TBL2: variants seen among roughly 807,000 people sequenced by gnomAD.
TBL2 encodes transducin beta like 2, also known as transducin beta-like protein 2.
TBL2 carries 33 observed loss-of-function variants against 41.8 expected under a neutral mutation model. The observed-to-expected ratio is 0.79, with a 90% CI of 0.60 to 1.06. TBL2 has a LOEUF of 1.06. Among genes scored for constraint, TBL2 ranks in the 50% least tolerant of loss-of-function variants. The probability of loss-of-function intolerance (pLI) is 0.00; values close to 1 mark genes in which losing one functional copy is unlikely to be tolerated. For missense variants in TBL2, 522 were observed against 603.8 expected (o/e 0.86, Z 1.42); for synonymous variants, 239 against 241.7 (o/e 0.99, Z 0.10).
chr7:73,576,673 A>C (rs1224187844), intron 1 of TBL2: 1 of 456,502 alleles, frequency 2.2e-6, no homozygotes, highest in Non-Finnish European at 4.4e-6. Context: ...GATGCTCCCC[A>C]ATTCCAACAG....
In TBL2 at chr7:73,570,596, C is replaced by T. The variant is rs1792865321; in HGVS notation, c.1255G>A (p.Ala419Thr). 2 of 1,612,380 alleles carry T rather than the reference C, an allele frequency of 1.2e-6. No individual in the cohort carries two copies. The highest frequency in any genetic ancestry group is 1.1e-5 in the South Asian group (1 of 90,888). ...VEEMQGHLKRASNESTRQRLQ... is the reference protein window; with the variant it reads ...VEEMQGHLKRTSNESTRQRLQ... The stretch of plus-strand genomic sequence containing the variant: ...CTCTGGCGGGTGCTCTCGTTGGAGG[C>T]CCGCTTCAGGTGGCCCTGCATCTCC... The change falls in exon 7 of 7, where the codon GCC (alanine) becomes ACC (threonine). Residue 419 changes from alanine (A) to threonine (T), a missense_variant. By Grantham distance (58) the Ala-to-Thr change is moderately conservative. Coordinates refer to ENST00000305632, the MANE Select transcript of TBL2 (RefSeq NM_012453.4).
Position 73,578,564 on chromosome 7 carries a change from T to C in TBL2, c.-15A>G, listed in dbSNP as rs782124941. The C allele has an allele frequency of 6.7e-7, 1 of 1,501,826 alleles. No homozygotes were observed. The allele number at this position is 1,501,826 out of a possible 1,614,324, so 93.0% of individuals were successfully genotyped here. ...GAGAGCTCCATGTTGGTGGAACCAC[T>C]GCCACCTCAGCTAGTGAGTACGCGG... On this transcript the variant is annotated 5_prime_UTR_variant, in exon 1 of 7. Transcript: ENST00000305632.
rs1446189578 is a variant in TBL2, at chr7:73,578,447, CCG to C, written c.101_102del (p.Ala34GlyfsTer19). 20 of 1,545,196 alleles carry C rather than the reference CCG, an allele frequency of 1.3e-5. No homozygotes were observed. The highest frequency in any genetic ancestry group is 1.7e-5 in the Non-Finnish European group (20 of 1,148,720). On this transcript the variant is annotated frameshift_variant, in exon 1 of 7. Transcript: ENST00000305632. LOFTEE classifies it high-confidence loss of function. ...GCGGGCCGGCCGCTCCTCTCCTCCC[CCG>C]CGCGCAGCCACCCCCGCGCTACCGC... ...TAAVARGWLR[A>X]GEERSGRPAC...
Position 73,574,137 on chromosome 7 carries a change from G to A in TBL2, c.262-15C>T. 6.2e-7 allele frequency: 1 copy of A among 1,613,074 alleles called. No individual in the cohort carries two copies. Among genetic ancestry groups the A allele is most frequent in the Non-Finnish European group, 8.5e-7 (1 of 1,179,222 alleles). ...CCGCTGTGGCTCTAGGGGAAGGGTG[G>A]CAGGAAGTGTCAATAGGAGCTCCTG... On this transcript the variant is annotated splice_polypyrimidine_tract_variant and intron_variant, in intron 2 of 6. Coordinates refer to ENST00000305632, the MANE Select transcript of TBL2 (RefSeq NM_012453.4).
chr7:73,573,799 A>T (rs1355804695), intron 3 of TBL2, 139 bp downstream of exon 3: 10 of 1,105,106 alleles, frequency 9.0e-6, no homozygotes, highest in Middle Eastern at 6.2e-4. Context: ...CAGCGCGCAA[A>T]CTATGTGGAT....
chr7:73,574,737 A>G (rs1474515259), intron 1 of TBL2: 12 of 620,940 alleles, frequency 1.9e-5, no homozygotes, highest in Non-Finnish European at 3.2e-5. Context: ...TGAGCCCAGG[A>G]GTTCGAGGCT....
At chr7:73,573,658 T>C (rs1184817889) in intron 3 of TBL2, among the ~76,000 whole-genome samples, 187 bp from the exon 4 acceptor site, 1 of 152,146 alleles carries the variant, frequency 6.6e-6, no homozygotes, top group Non-Finnish European at 1.5e-5. Context: ...TAGCTTTGGC[T>C]CCTTTAGTTT....
rs1261438054 is a variant in TBL2 at position 73,570,212 on chromosome 7, C to T, written c.*295G>A. On this transcript the variant is annotated 3_prime_UTR_variant, in exon 7 of 7. Coordinates refer to ENST00000305632, the MANE Select transcript of TBL2 (RefSeq NM_012453.4). ...CACAAGGCCAAAAATCACATTCTCTCTCTCTCTCCTCTCCTCTCTACCATT... is the reference window on the plus strand; with the variant it reads ...CACAAGGCCAAAAATCACATTCTCTTTCTCTCTCCTCTCCTCTCTACCATT... 1 of 323,872 alleles carries T rather than the reference C, an allele frequency of 3.1e-6. No homozygotes were observed. Among genetic ancestry groups the T allele is most frequent in the African/African-American group, 2.1e-5 (1 of 46,838 alleles). The allele number at this position is 323,872 out of a possible 1,614,324, so 20.1% of individuals were successfully genotyped here.
chr7:73,577,264 C>CCCCAA (rs782149543), intron 1 of TBL2, among the ~76,000 whole-genome samples: 2 of 98,114 alleles, frequency 2.0e-5, no homozygotes, highest in Non-Finnish European at 1.9e-5. Flanking sequence ...CGTCCCCCTG[C>CCCCAA]AAAAAAAAAA....
At chr7:73,573,819 G>T in intron 3 of TBL2, 119 bp downstream of exon 3, 1 of 1,283,634 alleles carries the variant, frequency 7.8e-7, no homozygotes, top group Non-Finnish European at 1.1e-6. Flanking sequence ...TGCTCTTTCT[G>T]GCACCCCAAG....
In TBL2 at chr7:73,568,573, GA is replaced by G. The variant is rs549220241; in HGVS notation, c.*1933del. Among the ~76,000 whole-genome samples the G allele has an allele frequency of 2.6e-5, 4 of 152,158 alleles. No homozygotes were observed. The highest frequency in any genetic ancestry group is 1.3e-4 in the Admixed American group (2 of 15,256). On this transcript the variant is annotated 3_prime_UTR_variant, in exon 7 of 7. Coordinates refer to ENST00000305632, the MANE Select transcript of TBL2 (RefSeq NM_012453.4). ...GCCCATCTGACATTCATAGCATTTA[GA>G]GGGGGGACGAAGCCAGGTTACACAG...
In TBL2 at chr7:73,570,854, C is replaced by T. The variant is rs147744802; in HGVS notation, c.997G>A (p.Ala333Thr). 2.7e-5 allele frequency: 44 copies of T among 1,613,522 alleles called. No individual in the cohort carries two copies. The highest frequency in any genetic ancestry group is 3.3e-4 in the Middle Eastern group (2 of 6,084). Residue 333 changes from alanine to threonine, a missense_variant, in exon 7 of 7, where the codon GCG becomes ACG. Ala to Thr is a moderately conservative substitution (Grantham distance 58). Transcript: ENST00000305632. ...GGGGAGAGGGCCAGGCGGCACGGCG[C>T]GGCACCCGCCGCCTCTTCAAAGCGG... is the stretch of plus-strand genomic sequence containing the variant. ...TGRFEEAAGA[A>T]PCRLALSPNA...
intron 2 of TBL2, 113 bp from the exon 3 acceptor site, chr7:73,574,235 T>A: frequency 6.5e-7 from 1 of 1,529,070 alleles, no homozygotes; most frequent in Non-Finnish European, 8.8e-7. Context: ...CAAGCTGAGA[T>A]TGGGCTGCGA....
chr7:73,575,060 A>G (rs11974409), intron 1 of TBL2, among the ~76,000 whole-genome samples: 24,404 of 151,866 alleles, frequency 0.16, 2,090 homozygotes, highest in Non-Finnish European at 0.19. Context: ...GTGCACAACC[A>G]TCTCTAGCGG....
At position 73,577,648 on chromosome 7, in the gene TBL2, T is replaced by C. The variant is rs138944857; in HGVS notation, c.130+772A>G. Among the ~76,000 whole-genome samples the C allele has an allele frequency of 1.1e-3, 174 of 152,324 alleles. 1 individual carries two copies. Among genetic ancestry groups the C allele is most frequent in the African/African-American group, 4.0e-3 (166 of 41,580 alleles). On this transcript the variant is annotated intron_variant, in intron 1 of 6. Transcript: ENST00000305632. ...CCATTTCTAGTACTAACCTCTTCTA[T>C]GAAACTTTTCAGAGACAGGCTCTTG... is the stretch of plus-strand genomic sequence containing the variant.
chr7:73,571,476 G>A lies in TBL2; in HGVS notation c.726-135C>T. 3.1e-6 allele frequency: 4 copies of A among 1,307,366 alleles called. No homozygotes were observed. The South Asian group carries it at 4.4e-5, about 14-fold the overall frequency. 81.0% of individuals were successfully genotyped at this position (1,307,366 alleles called of 1,614,324 possible). On this transcript the variant is annotated intron_variant, in intron 5 of 6. Coordinates refer to ENST00000305632, the MANE Select transcript of TBL2 (RefSeq NM_012453.4). Reference sequence around the variant, plus strand: ...TATAAACCTTTAAAGAGTTATTTTGGCCGGGCGCGGTGGCTCACGCCTGTC... The same window carrying A: ...TATAAACCTTTAAAGAGTTATTTTGACCGGGCGCGGTGGCTCACGCCTGTC...
rs1342721147 is a variant in TBL2 at position 73,568,284 on chromosome 7, G to T, written c.*2223C>A. 1.3e-5 allele frequency among the ~76,000 whole-genome samples: 2 copies of T among 152,102 alleles called. No individual in the cohort carries two copies. The highest frequency in any genetic ancestry group is 4.8e-5 in the African/African-American group (2 of 41,426). ...GCCCGGTGGTGCTCTCATTCCAGTG[G>T]GTTCAACAGTGAGCCAGAAGCTGCC... On this transcript the variant is annotated 3_prime_UTR_variant, in exon 7 of 7. Transcript: ENST00000305632.
chr7:73,568,327 C>G lies in TBL2; in HGVS notation c.*2180G>C, dbSNP rs1429867005. On this transcript the variant is annotated 3_prime_UTR_variant, in exon 7 of 7. Coordinates refer to ENST00000305632, the MANE Select transcript of TBL2 (RefSeq NM_012453.4). ...AAGCTGCCAATAAGAGAGTAGTGGACTGCATCGGGCCGACCTTAGTGTTTT... is the reference window on the plus strand; with the variant it reads ...AAGCTGCCAATAAGAGAGTAGTGGAGTGCATCGGGCCGACCTTAGTGTTTT... Among the ~76,000 whole-genome samples, 1 of 152,150 alleles carries G rather than the reference C, an allele frequency of 6.6e-6. No individual in the cohort carries two copies. The highest frequency in any genetic ancestry group is 1.5e-5 in the Non-Finnish European group (1 of 68,028).
intron 3 of TBL2, 119 bp from the exon 4 acceptor site, chr7:73,573,590 T>C (rs1793108426): frequency 4.5e-6 from 6 of 1,337,054 alleles, no homozygotes; most frequent in Non-Finnish European, 6.1e-6. Flanking sequence ...AGTCTAGCCT[T>C]AAAACTTAAG....
Sources: gnomAD v4.1 joint callset for allele counts (sites outside exome capture counted in the v4.1 genomes callset) on GRCh38, gnomAD v4.1.1 for gene constraint, MANE v1.5 for transcripts, NCBI Gene and HGNC (gene_info 2026-07-23, HGNC 2026-07-21) for gene names.